Variants in ARID5B observed in about 807,000 individuals in gnomAD.
ARID5B encodes the protein AT-rich interaction domain 5B.
Under a neutral mutation model 97.2 loss-of-function variants are expected in ARID5B, and 13 were observed. That is an observed-to-expected ratio of 0.13 (90% CI 0.09 to 0.21). ARID5B has a LOEUF of 0.21. Ranked by LOEUF, ARID5B falls within the 10% of genes least tolerant of loss-of-function variation. The probability of loss-of-function intolerance (pLI) is 1.00; values close to 1 mark genes in which losing one functional copy is unlikely to be tolerated. For missense variants in ARID5B, 1,210 were observed against 1,465.3 expected (o/e 0.83, Z 2.84); for synonymous variants, 556 against 570.3 (o/e 0.97, Z 0.36).
In ARID5B at chr10:61,919,305, C is replaced by A. The variant is rs142633351; in HGVS notation, c.276+16892C>A. On this transcript the variant is annotated intron_variant, in intron 2 of 9. Transcript: ENST00000279873. ...ATTTCAAAAAAGTTTCCTGTATTTT[C>A]TTTTCTTAAAAACACCCCTAACTTG... Among the ~76,000 whole-genome samples the A allele has an allele frequency of 1.7e-3, 258 of 152,242 alleles. 1 individual carries two copies. Among genetic ancestry groups the A allele is most frequent in the African/African-American group, 6.1e-3 (252 of 41,524 alleles).
At chr10:62,056,597 A>C (rs1217169845) in intron 5 of ARID5B, among the ~76,000 whole-genome samples, 1 of 152,206 alleles carries the variant, frequency 6.6e-6, no homozygotes, top group Non-Finnish European at 1.5e-5. Flanking sequence ...TTAAGGAGGC[A>C]GGGTTTGTTC....
chr10:62,091,296 G>A lies in ARID5B; in HGVS notation c.1833G>A (p.Thr611=), dbSNP rs141271155. The A allele has an allele frequency of 5.9e-5, 95 of 1,613,714 alleles. No homozygotes were observed. The highest frequency in any genetic ancestry group is 6.7e-5 in the Admixed American group (4 of 59,998). ...TQPPLANQNE[T]EDDKLPAMAD... ...CACCGCTGGCAAACCAGAATGAGAC[G>A]GAGGATGACAAACTGCCCGCCATGG... The change falls in exon 10 of 10, where the codon ACG becomes ACA. Residue 611 remains threonine, a synonymous_variant. Coordinates refer to ENST00000279873, the MANE Select transcript of ARID5B (RefSeq NM_032199.3).
At chr10:61,985,435 T>C (rs1023258203) in intron 3 of ARID5B, among the ~76,000 whole-genome samples, 1 of 152,020 alleles carries the variant, frequency 6.6e-6, no homozygotes, top group African/African-American at 2.4e-5. Context: ...GACCAGCCAA[T>C]AGATGGAAGA....
chr10:61,948,111 CT>C (rs1374237307), intron 3 of ARID5B, among the ~76,000 whole-genome samples: 1 of 152,100 alleles, frequency 6.6e-6, no homozygotes, highest in Non-Finnish European at 1.5e-5. Context: ...GAAATTGGAA[CT>C]TTCTGTGCTA....
intron 7 of ARID5B, among the ~76,000 whole-genome samples, chr10:62,061,563 G>T (rs905067513): frequency 6.6e-6 from 1 of 152,168 alleles, no homozygotes; most frequent in African/African-American, 2.4e-5. Context: ...GCCCTTTCAT[G>T]CTGAGCCTCC....
intron 8 of ARID5B, among the ~76,000 whole-genome samples, chr10:62,085,325 A>T (rs1193933005): frequency 6.6e-6 from 1 of 152,324 alleles, no homozygotes; most frequent in East Asian, 1.9e-4. Flanking sequence ...TGCCTATAGT[A>T]TGTGCTCAAT....
chr10:61,902,120 G>C, intron 1 of ARID5B, 39 bp from the exon 2 acceptor site: 1 of 1,608,938 alleles, frequency 6.2e-7, no homozygotes, highest in Non-Finnish European at 8.5e-7. Context: ...TGCTCTGATG[G>C]CTACATTATT....
At chr10:62,053,553 A>AT (rs1005547864) in intron 5 of ARID5B, among the ~76,000 whole-genome samples, 2 of 152,066 alleles carry the variant, frequency 1.3e-5, no homozygotes, top group Non-Finnish European at 2.9e-5. Context: ...AAATCCTGCC[A>AT]TTTTTTTCTG....
chr10:61,982,519 GA>G (rs1366052114), intron 3 of ARID5B, among the ~76,000 whole-genome samples: 1 of 152,198 alleles, frequency 6.6e-6, no homozygotes, highest in African/African-American at 2.4e-5. Flanking sequence ...TGCTTTTAAA[GA>G]AGGTGTGAGC....
intron 8 of ARID5B, among the ~76,000 whole-genome samples, chr10:62,075,354 CA>C (rs1177944268): frequency 6.6e-6 from 1 of 152,178 alleles, no homozygotes; most frequent in Non-Finnish European, 1.5e-5. Flanking sequence ...TGCCCAGGGG[CA>C]AAATATAGCC....
rs999644948 is a variant in ARID5B at position 62,020,546 on chromosome 10, A to G, written c.733+20225A>G. On this transcript the variant is annotated intron_variant, in intron 4 of 9. Transcript: ENST00000279873. ...CTCTCCAGTAAAACAAACAGCTTTG[A>G]AAAGAGCTCAGGGGCATTTTCTTTA... is the stretch of plus-strand genomic sequence containing the variant. 3.3e-5 allele frequency among the ~76,000 whole-genome samples: 5 copies of G among 152,320 alleles called. No individual in the cohort carries two copies. The South Asian group carries it at 8.3e-4, about 25-fold the overall frequency.
intron 3 of ARID5B, among the ~76,000 whole-genome samples, chr10:61,957,073 T>C (rs1342277930): frequency 6.6e-6 from 1 of 152,210 alleles, no homozygotes; most frequent in Admixed American, 6.5e-5. Context: ...ATGTGCATTT[T>C]AGTGTTTAAC....
At chr10:62,027,732 C>G (rs916608902) in intron 4 of ARID5B, among the ~76,000 whole-genome samples, 1 of 152,080 alleles carries the variant, frequency 6.6e-6, no homozygotes, top group Non-Finnish European at 1.5e-5. Context: ...CTGTGTATGT[C>G]CTTCCCAGAA....
chr10:61,973,959 A>G (rs1473546160), intron 3 of ARID5B, among the ~76,000 whole-genome samples: 1 of 152,212 alleles, frequency 6.6e-6, no homozygotes, highest in East Asian at 1.9e-4. Flanking sequence ...TAAAATATCA[A>G]TCACAGTGAA....
In ARID5B at chr10:61,926,553, T is replaced by A. The variant is rs983767744; in HGVS notation, c.277-13630T>A. Among the ~76,000 whole-genome samples the A allele has an allele frequency of 2.0e-5, 3 of 152,176 alleles. No homozygotes were observed. In the South Asian group the frequency reaches 6.2e-4, roughly 31 times the overall value. On this transcript the variant is annotated intron_variant, in intron 2 of 9. Coordinates refer to ENST00000279873, the MANE Select transcript of ARID5B (RefSeq NM_032199.3). ...TTTCTGCAGCTGTGTCCTTGAGAGCTGGGGAGGATGAGAAACCCAGGTATT... is the reference window on the plus strand; with the variant it reads ...TTTCTGCAGCTGTGTCCTTGAGAGCAGGGGAGGATGAGAAACCCAGGTATT...
At chr10:61,958,164 G>A (rs766775908) in intron 3 of ARID5B, among the ~76,000 whole-genome samples, 1 of 152,204 alleles carries the variant, frequency 6.6e-6, no homozygotes, top group African/African-American at 2.4e-5. Flanking sequence ...AGTGTTCCAG[G>A]AGCTTGGATG....
Position 62,028,334 on chromosome 10 carries a change from G to A in ARID5B, c.734-22554G>A, listed in dbSNP as rs141868501. On this transcript the variant is annotated intron_variant, in intron 4 of 9. Transcript: ENST00000279873. ...CAAAAATACTAGTTTGTAGTATTGA[G>A]TGAGCAATCCTGTGTTAAGTGTGGG... Among the ~76,000 whole-genome samples, 460 of 152,302 alleles carry A rather than the reference G, an allele frequency of 3.0e-3. 2 individuals are homozygous for A. Among genetic ancestry groups the A allele is most frequent in the African/African-American group, 0.011 (439 of 41,566 alleles).
chr10:62,002,971 T>G (rs755456816), intron 4 of ARID5B, among the ~76,000 whole-genome samples: 1 of 152,228 alleles, frequency 6.6e-6, no homozygotes, highest in Non-Finnish European at 1.5e-5. Flanking sequence ...GTAGAGCTGA[T>G]GGCAAAGAGT....
intron 8 of ARID5B, among the ~76,000 whole-genome samples, chr10:62,074,886 A>T (rs1002831688): frequency 3.9e-5 from 6 of 152,278 alleles, no homozygotes; most frequent in Non-Finnish European, 8.8e-5. Flanking sequence ...ACTTACGCTG[A>T]AATTTGCCAG....
Sources: gnomAD v4.1 joint callset for allele counts (sites outside exome capture counted in the v4.1 genomes callset) on GRCh38, gnomAD v4.1.1 for gene constraint, MANE v1.5 for transcripts, NCBI Gene and HGNC (gene_info 2026-07-23, HGNC 2026-07-21) for gene names.